KIF16B: variants seen among roughly 807,000 people sequenced by gnomAD.
KIF16B encodes kinesin family member 16B.
In KIF16B, 98 loss-of-function variants were observed where a neutral mutation model predicts 156.3. That is an observed-to-expected ratio of 0.63 (90% CI 0.53 to 0.74). KIF16B has a LOEUF of 0.74. KIF16B is among the 30% of genes least tolerant of loss of function. The pLI is 0.00. For missense variants in KIF16B, 1,421 were observed against 1,606.5 expected (o/e 0.88, Z 1.97); for synonymous variants, 564 against 583.7 (o/e 0.97, Z 0.49).
chr20:16,380,796 G>A (rs1568915321), intron 18 of KIF16B, among the ~76,000 whole-genome samples: 1 of 152,218 alleles, frequency 6.6e-6, no homozygotes, highest in Admixed American at 6.5e-5. Context: ...TGGTGGGGAG[G>A]TGACATGTTG....
intron 1 of KIF16B, among the ~76,000 whole-genome samples, chr20:16,562,232 G>A (rs773364516): frequency 1.3e-5 from 2 of 152,152 alleles, no homozygotes; most frequent in Non-Finnish European, 2.9e-5. Flanking sequence ...TTTAAACACA[G>A]TAAAGTGTTG....
chr20:16,526,786 C>A (rs2069559996), intron 2 of KIF16B, among the ~76,000 whole-genome samples: 1 of 152,170 alleles, frequency 6.6e-6, no homozygotes, highest in East Asian at 1.9e-4. Context: ...CACCTCAGAA[C>A]CATGTTTTAA....
intron 24 of KIF16B, among the ~76,000 whole-genome samples, chr20:16,332,306 G>A (rs117756168): frequency 2.0e-5 from 3 of 152,174 alleles, no homozygotes; most frequent in East Asian, 3.9e-4. Flanking sequence ...AGTGATGTCC[G>A]AGAACCACAT....
chr20:16,514,832 GCTGAGATCGCAC>G (rs1429691677), intron 4 of KIF16B, among the ~76,000 whole-genome samples: 2 of 137,826 alleles, frequency 1.5e-5, no homozygotes, highest in Non-Finnish European at 3.0e-5. Flanking sequence ...CTTGCAGCGA[GCTGAGATCGCAC>G]CACTGCCCTC....
At chr20:16,563,285 C>T (rs1004916986) in intron 1 of KIF16B, among the ~76,000 whole-genome samples, 1 of 152,170 alleles carries the variant, frequency 6.6e-6, no homozygotes, top group African/African-American at 2.4e-5. Flanking sequence ...AAGTCCAAGC[C>T]AGTGCTGACC....
At chr20:16,494,983 G>A (rs2068408744) in intron 11 of KIF16B, among the ~76,000 whole-genome samples, 1 of 152,214 alleles carries the variant, frequency 6.6e-6, no homozygotes, top group Non-Finnish European at 1.5e-5. Context: ...ACACAGCACA[G>A]TTGGAAATTG....
chr20:16,374,489 T>C (rs780401625), intron 19 of KIF16B, 80 bp from the exon 20 acceptor site: 27 of 1,292,134 alleles, frequency 2.1e-5, no homozygotes, highest in East Asian at 5.2e-5. Flanking sequence ...TTGCTTTAGA[T>C]AGCATGGGGG....
intron 9 of KIF16B, among the ~76,000 whole-genome samples, chr20:16,505,293 A>C (rs986039906): frequency 1.3e-5 from 2 of 152,242 alleles, no homozygotes; most frequent in Non-Finnish European, 2.9e-5. Context: ...GACATAAAGT[A>C]TACTGCTGTT....
At chr20:16,449,652 T>C (rs760703445) in intron 12 of KIF16B, among the ~76,000 whole-genome samples, 10 of 152,202 alleles carry the variant, frequency 6.6e-5, no homozygotes, top group Non-Finnish European at 1.3e-4. Flanking sequence ...CTGATCTCAA[T>C]AGTTGTTGGA....
At position 16,386,968 on chromosome 20, in the gene KIF16B, G is replaced by A. The variant is rs148395174; in HGVS notation, c.1785-5221C>T. 2.4e-3 allele frequency among the ~76,000 whole-genome samples: 372 copies of A among 152,296 alleles called. 5 individuals are homozygous for A. Among genetic ancestry groups the A allele is most frequent in the Admixed American group, 0.022 (343 of 15,302 alleles). On this transcript the variant is annotated intron_variant, in intron 17 of 25. Transcript: ENST00000354981. Reference sequence around the variant, plus strand: ...TATAGCATCCATAGTACAGGTAGGGGCAGTTAGTCTGAGAAAGGCAAAAGG... The same window carrying A: ...TATAGCATCCATAGTACAGGTAGGGACAGTTAGTCTGAGAAAGGCAAAAGG...
intron 1 of KIF16B, among the ~76,000 whole-genome samples, chr20:16,555,916 A>G (rs560179247): frequency 2.0e-5 from 3 of 152,378 alleles, no homozygotes; most frequent in Admixed American, 6.5e-5. Flanking sequence ...TAATTCATTT[A>G]TTAGTCATTA....
At chr20:16,335,220 A>G (rs1159364441) in intron 24 of KIF16B, among the ~76,000 whole-genome samples, 1 of 152,226 alleles carries the variant, frequency 6.6e-6, no homozygotes, top group African/African-American at 2.4e-5. Context: ...AAATTCCCAG[A>G]AAGCTGGACC....
At chr20:16,450,717 G>A (rs2067057283) in intron 12 of KIF16B, among the ~76,000 whole-genome samples, 1 of 152,166 alleles carries the variant, frequency 6.6e-6, no homozygotes, top group Non-Finnish European at 1.5e-5. Context: ...AGTACCTGGT[G>A]TATGGTACAC....
intron 24 of KIF16B, among the ~76,000 whole-genome samples, chr20:16,324,678 A>G (rs1013864162): frequency 2.0e-5 from 3 of 151,942 alleles, no homozygotes; most frequent in Non-Finnish European, 4.4e-5. Context: ...GGTGCTTTAC[A>G]CTAATGAAAA....
intron 25 of KIF16B, among the ~76,000 whole-genome samples, chr20:16,277,552 A>G (rs1480034206): frequency 6.6e-6 from 1 of 151,592 alleles, no homozygotes; most frequent in African/African-American, 2.4e-5. Context: ...TGTGCTCACA[A>G]TGTTTTCCAC....
At chr20:16,359,011 C>T (rs1306402536) in intron 22 of KIF16B, among the ~76,000 whole-genome samples, 1 of 152,200 alleles carries the variant, frequency 6.6e-6, no homozygotes, top group Admixed American at 6.5e-5. Flanking sequence ...TTCTCAACTG[C>T]ACATGTTTGG....
chr20:16,312,153 G>A (rs1319456977), intron 25 of KIF16B, among the ~76,000 whole-genome samples, 182 bp downstream of exon 25: 1 of 152,132 alleles, frequency 6.6e-6, no homozygotes, highest in Non-Finnish European at 1.5e-5. Flanking sequence ...GGAAGATAAG[G>A]ACTTGTATTT....
At chr20:16,436,920 G>A (rs1353037131) in intron 12 of KIF16B, among the ~76,000 whole-genome samples, 1 of 152,182 alleles carries the variant, frequency 6.6e-6, no homozygotes, top group Non-Finnish European at 1.5e-5. Context: ...TGGGCAAACA[G>A]TCATCCCTTG....
intron 22 of KIF16B, chr20:16,368,702 C>G: frequency 3.0e-6 from 3 of 985,970 alleles, no homozygotes; most frequent in Non-Finnish European, 3.6e-6. Flanking sequence ...CTATAAAACT[C>G]AGACGCCAGT....
Sources: gnomAD v4.1 joint callset for allele counts (sites outside exome capture counted in the v4.1 genomes callset) on GRCh38, gnomAD v4.1.1 for gene constraint, MANE v1.5 for transcripts, NCBI Gene and HGNC (gene_info 2026-07-23, HGNC 2026-07-21) for gene names.